PSD3: variants seen among roughly 807,000 people sequenced by gnomAD.
PSD3 encodes PH and SEC7 domain-containing protein 3.
Under a neutral mutation model 105.5 loss-of-function variants are expected in PSD3, and 49 were observed. That is an observed-to-expected ratio of 0.46 (90% CI 0.37 to 0.59). The LOEUF is 0.59. Among genes scored for constraint, PSD3 ranks in the 20% least tolerant of loss-of-function variants. PSD3 has a pLI of 0.00. For missense variants in PSD3, 1,561 were observed against 1,263.8 expected, an observed-to-expected ratio of 1.24 and a Z score of -3.57; for synonymous variants, 557 against 457.8, an observed-to-expected ratio of 1.22 and a Z score of -2.77.
At chr8:18,758,017 G>T (rs1806200030) in intron 9 of PSD3, among the ~76,000 whole-genome samples, 2 of 151,144 alleles carry the variant, frequency 1.3e-5, no homozygotes, top group Admixed American at 1.3e-4. Context: ...CATTATTTTT[G>T]TCATTGTTTT....
chr8:18,611,886 A>C (rs1487760), intron 11 of PSD3, among the ~76,000 whole-genome samples: 41,557 of 152,026 alleles, frequency 0.27, 6,080 homozygotes, highest in South Asian at 0.46. Flanking sequence ...AAAATGTTGC[A>C]AATGACTAAA....
At chr8:19,018,193 T>C (rs947343025), upstream of PSD3, among the ~76,000 whole-genome samples, 13 of 152,336 alleles carry the variant, frequency 8.5e-5, no homozygotes, top group Middle Eastern at 3.4e-3. Flanking sequence ...ATTTTATTAT[T>C]GACAATTTAG....
At chr8:19,074,611 A>ATATATATATATATATATTTT (rs1324257417) in intron 1 of PSD3, among the ~76,000 whole-genome samples, 3 of 24,224 alleles carry the variant, frequency 1.2e-4, no homozygotes, top group South Asian at 1.5e-3. Flanking sequence ...ATATATATAT[A>ATATATATATATATATATTTT]TTTTTTTTTT....
rs11987101 is a variant in PSD3, at chr8:18,679,538, A to C, written c.2173-23853T>G. Among the ~76,000 whole-genome samples, 193 of 152,328 alleles carry C rather than the reference A, an allele frequency of 1.3e-3. 1 individual carries two copies. The highest frequency in any genetic ancestry group is 4.4e-3 in the African/African-American group (184 of 41,574). On this transcript the variant is annotated intron_variant, in intron 9 of 15. Transcript: ENST00000327040. Reference sequence around the variant, plus strand: ...TTTGTTAAATCTAGCTCAGTCTTTAAGGTTCCTTCCACAGAGGAAATAACC... The same window carrying C: ...TTTGTTAAATCTAGCTCAGTCTTTACGGTTCCTTCCACAGAGGAAATAACC...
intron 1 of PSD3, among the ~76,000 whole-genome samples, chr8:19,083,456 G>C (rs1041334585): frequency 6.6e-6 from 1 of 152,222 alleles, no homozygotes; most frequent in African/African-American, 2.4e-5. Flanking sequence ...CACAGAGCTG[G>C]AAAAGACCTT....
intron 10 of PSD3, among the ~76,000 whole-genome samples, chr8:18,651,299 T>C (rs933343670): frequency 9.2e-5 from 14 of 152,228 alleles, no homozygotes; most frequent in Admixed American, 2.0e-4. Context: ...ATAACAGTTA[T>C]AACATTCTCC....
chr8:18,548,028 T>A (rs1442422118), intron 15 of PSD3, among the ~76,000 whole-genome samples: 1 of 152,196 alleles, frequency 6.6e-6, no homozygotes, highest in Non-Finnish European at 1.5e-5. Context: ...TCTGATTAGG[T>A]ATTTTTAACT....
chr8:19,028,885 C>G (rs945798686), intron 1 of PSD3, among the ~76,000 whole-genome samples: 2 of 152,150 alleles, frequency 1.3e-5, no homozygotes, highest in African/African-American at 2.4e-5. Flanking sequence ...GTGGAGTTTC[C>G]TCTCTTCCCA....
At chr8:18,984,612 T>C (rs1177261321) in intron 1 of PSD3, among the ~76,000 whole-genome samples, 1 of 152,244 alleles carries the variant, frequency 6.6e-6, no homozygotes, top group East Asian at 1.9e-4. Context: ...GGCCACAATA[T>C]AATTTTGTGA....
In PSD3 at chr8:18,819,247, T is replaced by C. The variant is rs183617051; in HGVS notation, c.1635-14349A>G. On this transcript the variant is annotated intron_variant, in intron 4 of 15. Coordinates refer to ENST00000327040, the MANE Select transcript of PSD3 (RefSeq NM_015310.4). ...GGGTAGGTTTAGTCAACAAATACTT[T>C]GACAAGTATTTTTCAAGGAAACTAA... Among the ~76,000 whole-genome samples the C allele has an allele frequency of 4.3e-4, 66 of 152,218 alleles. 2 individuals are homozygous for C. Among genetic ancestry groups the C allele is most frequent in the Admixed American group, 4.3e-3 (65 of 15,290 alleles).
chr8:18,752,562 ATATTAT>A (rs1193620928), intron 9 of PSD3, among the ~76,000 whole-genome samples: 918 of 86,870 alleles, frequency 0.011, 30 homozygotes, highest in East Asian at 0.096. Flanking sequence ...ATAATTATAT[ATATTAT>A]ATATATAATT....
At chr8:18,726,660 G>A (rs1384293643) in intron 9 of PSD3, among the ~76,000 whole-genome samples, 1 of 152,168 alleles carries the variant, frequency 6.6e-6, no homozygotes, top group East Asian at 1.9e-4. Flanking sequence ...TGTCTGTTCT[G>A]TTGCATCTTT....
intron 11 of PSD3, among the ~76,000 whole-genome samples, chr8:18,613,240 C>A (rs372945702): frequency 1.7e-3 from 252 of 152,216 alleles, no homozygotes; most frequent in African/African-American, 5.9e-3. Flanking sequence ...GACTGCCGGT[C>A]CGGATGAAGC....
At chr8:18,866,202 G>T (rs188247647) in intron 4 of PSD3, among the ~76,000 whole-genome samples, 19 of 152,306 alleles carry the variant, frequency 1.2e-4, no homozygotes, top group Non-Finnish European at 1.5e-5. Flanking sequence ...CCTCAGAGAC[G>T]AAGGTGAAAG....
rs111950849 is a variant in PSD3 at position 18,930,218 on chromosome 8, T to A, written c.130+5816A>T. On this transcript the variant is annotated intron_variant, in intron 2 of 15. Transcript: ENST00000327040. ...GGGGTCAAGAGAGCCCTGAAAGCTGTCCATAGAGATAGAGCCAATTACCCA... is the reference window on the plus strand; with the variant it reads ...GGGGTCAAGAGAGCCCTGAAAGCTGACCATAGAGATAGAGCCAATTACCCA... Among the ~76,000 whole-genome samples the A allele has an allele frequency of 3.0e-3, 461 of 152,248 alleles. 2 individuals are homozygous for A. Among genetic ancestry groups the A allele is most frequent in the African/African-American group, 6.4e-3 (264 of 41,532 alleles).
intron 14 of PSD3, among the ~76,000 whole-genome samples, chr8:18,567,339 T>C (rs969601): frequency 0.28 from 42,353 of 151,916 alleles, 6,054 homozygotes; most frequent in East Asian, 0.42. Flanking sequence ...TTACCTTTTA[T>C]GCGACATGCT....
At chr8:18,541,644 T>C (rs901207529) in intron 15 of PSD3, among the ~76,000 whole-genome samples, 6 of 152,164 alleles carry the variant, frequency 3.9e-5, no homozygotes, top group African/African-American at 7.2e-5. Context: ...TGCACTGAGG[T>C]ATAGCCTGCC....
At chr8:18,647,073 T>C (rs1808090048) in intron 10 of PSD3, among the ~76,000 whole-genome samples, 2 of 152,200 alleles carry the variant, frequency 1.3e-5, no homozygotes, top group Non-Finnish European at 2.9e-5. Context: ...TCATGGGCAG[T>C]GTTAAACATA....
Position 19,081,248 on chromosome 8 carries a change from C to A in PSD3, c.324+2958G>T, listed in dbSNP as rs150909786. Among the ~76,000 whole-genome samples the A allele has an allele frequency of 2.9e-3, 442 of 152,330 alleles. 4 individuals carry two copies. The highest frequency in any genetic ancestry group is 5.2e-3 in the Admixed American group (79 of 15,310). On this transcript the variant is annotated intron_variant, in intron 1 of 1. Transcript: ENST00000521475. ...CTAGGCCTTCACTGCTTCTAGAAAG[C>A]TGGCTGGACTCATTCGTACAAGGTT... is the stretch of plus-strand genomic sequence containing the variant.
Sources: gnomAD v4.1 joint callset for allele counts (sites outside exome capture counted in the v4.1 genomes callset) on GRCh38, gnomAD v4.1.1 for gene constraint, MANE v1.5 for transcripts, NCBI Gene and HGNC (gene_info 2026-07-23, HGNC 2026-07-21) for gene names.